The following LRP1B variants were observed in gnomAD, a reference collection of about 807,000 sequenced individuals.
LRP1B encodes the protein LDL receptor related protein 1B.
In LRP1B, 217 loss-of-function variants were observed where a neutral mutation model predicts 556.6. The ratio of observed to expected loss-of-function variants is 0.39; its 90% CI spans 0.35 to 0.44. The LOEUF (loss-of-function observed/expected upper bound fraction) is 0.44, where lower values mean the gene tolerates loss of function less well. Ranked by LOEUF, LRP1B falls within the 20% of genes least tolerant of loss-of-function variation. LRP1B has a pLI of 1.00. For synonymous variants in LRP1B, 2,047 were observed against 1,865.8 expected, an observed-to-expected ratio of 1.10 and a Z score of -2.50; for missense variants, 5,053 against 5,620.8, an observed-to-expected ratio of 0.90 and a Z score of 3.23.
At chr2:141,656,198 A>C (rs986713886) in intron 2 of LRP1B, among the ~76,000 whole-genome samples, 3 of 152,156 alleles carry the variant, frequency 2.0e-5, no homozygotes, top group African/African-American at 7.2e-5. Flanking sequence ...TGCCTCCCTT[A>C]AAATTAAACG....
chr2:141,130,584 G>A (rs116152103), intron 7 of LRP1B, among the ~76,000 whole-genome samples: 8 of 152,162 alleles, frequency 5.3e-5, no homozygotes, highest in Non-Finnish European at 1.0e-4. Flanking sequence ...ATCTAAAAAT[G>A]TACATGACAG....
chr2:141,624,036 C>CAAAAAAAAAAAAAAAAAAAAAAAAGAAAA, intron 2 of LRP1B, among the ~76,000 whole-genome samples: 1 of 90,758 alleles, frequency 1.1e-5, no homozygotes, highest in Admixed American at 1.5e-4. Context: ...AAAAATTAAA[C>CAAAAAAAAAAAAAAAAAAAAAAAAGAAAA]AAAAAAAAAA....
intron 59 of LRP1B, among the ~76,000 whole-genome samples, chr2:140,483,587 C>A (rs1470528623): frequency 1.4e-5 from 2 of 138,792 alleles, no homozygotes; most frequent in Non-Finnish European, 3.1e-5. Context: ...TGTACACACA[C>A]ATATATATAG....
chr2:141,705,194 A>T (rs1692092655), intron 2 of LRP1B, among the ~76,000 whole-genome samples: 2 of 152,152 alleles, frequency 1.3e-5, no homozygotes, highest in African/African-American at 4.8e-5. Context: ...CTGTATTTAT[A>T]CACTTTAACT....
At chr2:142,083,983 C>CTT (rs113213864) in intron 1 of LRP1B, among the ~76,000 whole-genome samples, 3 of 141,718 alleles carry the variant, frequency 2.1e-5, no homozygotes, top group Non-Finnish European at 3.1e-5. Context: ...TTCTCTATGC[C>CTT]TTTTTTTTTT....
At chr2:140,747,115 C>T (rs553934191) in intron 35 of LRP1B, among the ~76,000 whole-genome samples, 19 of 152,126 alleles carry the variant, frequency 1.2e-4, no homozygotes, top group African/African-American at 4.3e-4. Flanking sequence ...ATAAACCATC[C>T]CAAAAGTGAG....
At chr2:140,514,538 T>TAC (rs1172334203) in intron 51 of LRP1B, 115 bp downstream of exon 51, 19 of 880,408 alleles carry the variant, frequency 2.2e-5, no homozygotes, top group Non-Finnish European at 3.1e-5. Context: ...CCTAGAAAGG[T>TAC]ACACATAAAT....
chr2:141,512,040 A>G (rs1367179582), intron 2 of LRP1B, among the ~76,000 whole-genome samples: 1 of 152,212 alleles, frequency 6.6e-6, no homozygotes, highest in Non-Finnish European at 1.5e-5. Context: ...TACAGAAAAA[A>G]GAAATGCAAA....
intron 3 of LRP1B, among the ~76,000 whole-genome samples, chr2:141,384,645 C>T (rs538613469): frequency 6.6e-5 from 10 of 151,622 alleles, no homozygotes; most frequent in Admixed American, 3.9e-4. Context: ...CATAATAGCT[C>T]AGCAGCATGC....
At chr2:141,065,090 A>G (rs1699442475) in intron 7 of LRP1B, among the ~76,000 whole-genome samples, 1 of 151,886 alleles carries the variant, frequency 6.6e-6, no homozygotes, top group Non-Finnish European at 1.5e-5. Flanking sequence ...AAAACTTGTT[A>G]TTTGGAATTT....
chr2:140,901,441 T>C (rs1694102462), intron 23 of LRP1B, among the ~76,000 whole-genome samples: 1 of 152,194 alleles, frequency 6.6e-6, no homozygotes, highest in Non-Finnish European at 1.5e-5. Context: ...CCTGTGCCAA[T>C]GGCCCCAGTT....
chr2:141,829,969 G>A lies in LRP1B; in HGVS notation c.83-19568C>T, dbSNP rs1281086028. Among the ~76,000 whole-genome samples the A allele has an allele frequency of 4.6e-5, 7 of 151,856 alleles. No homozygotes were observed. In the East Asian group the frequency reaches 1.2e-3, roughly 25 times the overall value. ...TGGTTTGGGGGTTTTGTCAAATGTT[G>A]GGAAGTGTGTGGAAATGCCCCTAAC... On this transcript the variant is annotated intron_variant, in intron 1 of 90. Transcript: ENST00000389484.
intron 1 of LRP1B, among the ~76,000 whole-genome samples, chr2:141,845,412 G>T (rs1196571649): frequency 6.6e-6 from 1 of 151,910 alleles, no homozygotes; most frequent in East Asian, 1.9e-4. Context: ...AGTTTATTTA[G>T]GCAAATGCAT....
intron 35 of LRP1B, among the ~76,000 whole-genome samples, chr2:140,720,524 G>A (rs1687364026): frequency 6.6e-6 from 1 of 151,988 alleles, no homozygotes; most frequent in South Asian, 2.1e-4. Flanking sequence ...ATATTTATCT[G>A]TAAAACAAGG....
rs546986533 is a variant in LRP1B, at chr2:140,707,068, T to C, written c.6024-4515A>G. 1.7e-4 allele frequency among the ~76,000 whole-genome samples: 26 copies of C among 152,260 alleles called. No individual in the cohort carries two copies. The South Asian group carries it at 5.2e-3, about 30-fold the overall frequency. ...AACAGTTGTGAAAAGCAAGACTAGT[T>C]GGCATTAATCATTTTCTCTGGATTT... On this transcript the variant is annotated intron_variant, in intron 37 of 90. Transcript: ENST00000389484.
chr2:141,555,608 A>G (rs567052042), intron 2 of LRP1B, among the ~76,000 whole-genome samples: 1 of 152,084 alleles, frequency 6.6e-6, no homozygotes, highest in East Asian at 1.9e-4. Flanking sequence ...AAATTTCTGC[A>G]GTGAAAAGGA....
chr2:141,667,071 C>T (rs190296313), intron 2 of LRP1B, among the ~76,000 whole-genome samples: 76 of 152,060 alleles, frequency 5.0e-4, no homozygotes, highest in Admixed American at 1.8e-3. Context: ...AGGGAAAGAG[C>T]CGGCTTCTCA....
At chr2:140,524,899 T>G (rs1690365578) in intron 49 of LRP1B, among the ~76,000 whole-genome samples, 1 of 151,808 alleles carries the variant, frequency 6.6e-6, no homozygotes, top group Non-Finnish European at 1.5e-5. Context: ...CATCATGCAG[T>G]ATACCCAAGT....
intron 2 of LRP1B, among the ~76,000 whole-genome samples, chr2:141,490,367 C>T (rs1039915967): frequency 3.9e-5 from 2 of 51,716 alleles, no homozygotes; most frequent in African/African-American, 1.1e-4. Flanking sequence ...GTTAAAATAG[C>T]CTCGTGTGTG....
Sources: allele counts gnomAD v4.1 joint callset (sites outside exome capture counted in the v4.1 genomes callset), GRCh38; gene constraint gnomAD v4.1.1; transcripts MANE v1.5; gene names NCBI Gene and HGNC (gene_info 2026-07-23, HGNC 2026-07-21).